CCSER1: variants seen among roughly 807,000 people sequenced by gnomAD.
The protein encoded by CCSER1 is serine-rich coiled-coil domain-containing protein 1.
CCSER1 carries 41 observed loss-of-function variants against 82.0 expected under a neutral mutation model. That is an observed-to-expected ratio of 0.50 (90% CI 0.39 to 0.65). The LOEUF (loss-of-function observed/expected upper bound fraction) is 0.65. CCSER1 is among the 30% of genes least tolerant of loss of function. The pLI is 0.00. For missense variants in CCSER1, 1,119 were observed against 1,064.2 expected (o/e 1.05, Z -0.72); for synonymous variants, 414 against 383.9 (o/e 1.08, Z -0.92).
chr4:90,582,638 G>A (rs1303154954), intron 5 of CCSER1, among the ~76,000 whole-genome samples: 1 of 152,136 alleles, frequency 6.6e-6, no homozygotes, highest in East Asian at 1.9e-4. Context: ...TTATGTGTGA[G>A]GTGAACTCCT....
intron 7 of CCSER1, among the ~76,000 whole-genome samples, chr4:90,790,416 A>T (rs1755075966): frequency 1.3e-5 from 2 of 152,304 alleles, no homozygotes; most frequent in Non-Finnish European, 2.9e-5. Flanking sequence ...ACCTCTCCAC[A>T]TAAGTATACT....
rs529157930 is a variant in CCSER1, at chr4:90,699,564, C to T, written c.1933-24350C>T. Among the ~76,000 whole-genome samples the T allele has an allele frequency of 2.2e-4, 34 of 152,258 alleles. 1 individual carries two copies. In the East Asian group the frequency reaches 6.4e-3, roughly 29 times the overall value. Reference sequence around the variant, plus strand: ...GGTTCTGCTTAAGTTTAGAAAATGTCTCTCTGTCGTTGCTGACTATTCAGA... The same window carrying T: ...GGTTCTGCTTAAGTTTAGAAAATGTTTCTCTGTCGTTGCTGACTATTCAGA... On this transcript the variant is annotated intron_variant, in intron 6 of 10. Transcript: ENST00000509176.
At chr4:91,218,495 G>C (rs1737476986) in intron 10 of CCSER1, among the ~76,000 whole-genome samples, 1 of 152,232 alleles carries the variant, frequency 6.6e-6, no homozygotes, top group Admixed American at 6.5e-5. Flanking sequence ...CCGAGAGCAA[G>C]TGAGGGCTCT....
chr4:91,209,636 G>A (rs879523635), intron 10 of CCSER1, among the ~76,000 whole-genome samples: 31 of 151,850 alleles, frequency 2.0e-4, no homozygotes, highest in Middle Eastern at 3.4e-3. Context: ...AAGGATATTC[G>A]CATCTACGTT....
intron 1 of CCSER1, among the ~76,000 whole-genome samples, chr4:90,136,112 C>T (rs141196123): frequency 1.5e-3 from 234 of 152,244 alleles, no homozygotes; most frequent in Non-Finnish European, 2.6e-3. Flanking sequence ...GAAAAATTGA[C>T]GAAATTTATT....
chr4:90,208,317 C>A (rs1282122460), intron 1 of CCSER1, among the ~76,000 whole-genome samples: 1 of 152,156 alleles, frequency 6.6e-6, no homozygotes, highest in Non-Finnish European at 1.5e-5. Flanking sequence ...GGAAAATCGC[C>A]TACTCAAGCC....
intron 8 of CCSER1, among the ~76,000 whole-genome samples, chr4:90,878,292 C>T (rs573750636): frequency 5.3e-5 from 8 of 152,222 alleles, no homozygotes; most frequent in African/African-American, 1.7e-4. Flanking sequence ...TAAAGCCATC[C>T]GCAATGCCTT....
At chr4:90,672,790 A>C (rs2149158869) in intron 6 of CCSER1, among the ~76,000 whole-genome samples, 1 of 152,078 alleles carries the variant, frequency 6.6e-6, no homozygotes, top group East Asian at 1.9e-4. Context: ...TAGCATGATT[A>C]ATTGGCATAA....
chr4:91,028,732 G>A (rs768825574), intron 9 of CCSER1, among the ~76,000 whole-genome samples: 2 of 151,490 alleles, frequency 1.3e-5, no homozygotes, highest in East Asian at 1.9e-4. Flanking sequence ...ATTAATGCTC[G>A]AAGCCCTAAA....
At chr4:90,480,168 A>G (rs907562388) in intron 5 of CCSER1, among the ~76,000 whole-genome samples, 1 of 152,138 alleles carries the variant, frequency 6.6e-6, no homozygotes, top group African/African-American at 2.4e-5. Context: ...GGCTGCATAA[A>G]TGTCTTCTTT....
At chr4:91,463,248 G>C (rs190196735) in intron 10 of CCSER1, among the ~76,000 whole-genome samples, 71 of 152,290 alleles carry the variant, frequency 4.7e-4, no homozygotes, top group East Asian at 2.7e-3. Flanking sequence ...AGGCAAACAG[G>C]GTCTGGAGTG....
chr4:90,916,190 A>G (rs972799109), intron 8 of CCSER1, among the ~76,000 whole-genome samples: 8 of 152,164 alleles, frequency 5.3e-5, no homozygotes, highest in Non-Finnish European at 1.2e-4. Flanking sequence ...GAACCAAAAA[A>G]GAGCCCGCAT....
At chr4:91,548,216 C>G (rs1761983909) in intron 10 of CCSER1, among the ~76,000 whole-genome samples, 1 of 152,118 alleles carries the variant, frequency 6.6e-6, no homozygotes, top group Non-Finnish European at 1.5e-5. Context: ...AAGCAAAATC[C>G]ATTTTCAAAT....
At chr4:91,252,514 C>T (rs1420804838) in intron 10 of CCSER1, among the ~76,000 whole-genome samples, 1 of 152,158 alleles carries the variant, frequency 6.6e-6, no homozygotes, top group East Asian at 1.9e-4. Context: ...TACATAGATT[C>T]AGAAATACCA....
chr4:90,362,412 A>T (rs949308533), intron 3 of CCSER1, among the ~76,000 whole-genome samples: 3 of 152,208 alleles, frequency 2.0e-5, no homozygotes, highest in Non-Finnish European at 4.4e-5. Context: ...TTTTTCATAT[A>T]TCACCACAAA....
intron 10 of CCSER1, among the ~76,000 whole-genome samples, chr4:91,135,688 A>T (rs974270376): frequency 6.6e-6 from 1 of 151,920 alleles, no homozygotes; most frequent in African/African-American, 2.4e-5. Flanking sequence ...ACAAAAGAAA[A>T]AGCAGAGAGA....
At chr4:91,589,676 T>C (rs7676835) in intron 10 of CCSER1, among the ~76,000 whole-genome samples, 102,577 of 151,340 alleles carry the variant, frequency 0.68, 35,279 homozygotes, top group African/African-American at 0.8. Context: ...CCTTTCCCTC[T>C]AGCATATAAA....
At chr4:90,310,274 C>T (rs921873081) in intron 2 of CCSER1, among the ~76,000 whole-genome samples, 1 of 151,932 alleles carries the variant, frequency 6.6e-6, no homozygotes, top group African/African-American at 2.4e-5. Context: ...TAGTATATGT[C>T]CATTACTGTA....
At chr4:90,934,167 AT>A (rs950701363) in intron 9 of CCSER1, among the ~76,000 whole-genome samples, 2 of 152,076 alleles carry the variant, frequency 1.3e-5, no homozygotes, top group African/African-American at 4.8e-5. Flanking sequence ...ATAATGGCTC[AT>A]TATCAAATGA....
Sources: allele counts gnomAD v4.1 joint callset (sites outside exome capture counted in the v4.1 genomes callset), GRCh38; gene constraint gnomAD v4.1.1; transcripts MANE v1.5; gene names NCBI Gene and HGNC (gene_info 2026-07-23, HGNC 2026-07-21).